HUNK: variants seen among roughly 807,000 people sequenced by gnomAD.
HUNK encodes the protein hormonally up-regulated Neu-associated kinase.
In HUNK, 21 loss-of-function variants were observed where a neutral mutation model predicts 61.0. The ratio of observed to expected loss-of-function variants is 0.34; its 90% confidence interval spans 0.24 to 0.50. HUNK has a LOEUF of 0.50. Ranked by LOEUF, HUNK falls within the 20% of genes least tolerant of loss-of-function variation. The probability of loss-of-function intolerance (pLI) is 0.98; values close to 1 mark genes in which losing one functional copy is unlikely to be tolerated. For missense variants in HUNK, 772 were observed against 945.7 expected (o/e 0.82, Z 2.41); for synonymous variants, 371 against 386.1 (o/e 0.96, Z 0.46).
At chr21:31,906,042 TG>T (rs2052503134) in intron 1 of HUNK, among the ~76,000 whole-genome samples, 1 of 152,176 alleles carries the variant, frequency 6.6e-6, no homozygotes, top group Non-Finnish European at 1.5e-5. Context: ...TTTGCACTGC[TG>T]CCCCTGCCAT....
At chr21:31,990,537 A>G (rs1368880829) in intron 9 of HUNK, among the ~76,000 whole-genome samples, 2 of 149,480 alleles carry the variant, frequency 1.3e-5, no homozygotes, top group Non-Finnish European at 3.0e-5. Flanking sequence ...TTATTTATTT[A>G]TTTATTTATT....
intron 6 of HUNK, among the ~76,000 whole-genome samples, chr21:31,971,081 A>ATTTAT (rs11423136): frequency 0.021 from 3,242 of 151,862 alleles, 56 homozygotes; most frequent in African/African-American, 0.04. Context: ...TTATTTATTT[A>ATTTAT]TTATTTATTT....
Position 31,974,418 on chromosome 21 carries a change from C to A in HUNK, c.1011-137C>A. On this transcript the variant is annotated intron_variant, in intron 6 of 10. Coordinates refer to ENST00000270112, the MANE Select transcript of HUNK (RefSeq NM_014586.2). ...ACTATTCCCTCCGCTTTTCTGAATA[C>A]GAGAACATTTTCAAAATAAAAACTC... is the stretch of plus-strand genomic sequence containing the variant. 3 of 774,752 alleles carry A rather than the reference C, an allele frequency of 3.9e-6. No individual in the cohort carries two copies. The Admixed American group carries it at 7.9e-5, about 20-fold the overall frequency. 48.0% of individuals were successfully genotyped at this position (774,752 alleles called of 1,614,324 possible).
chr21:31,995,793 A>G lies in HUNK; in HGVS notation c.1331A>G (p.Lys444Arg), dbSNP rs572334874. The G allele has an allele frequency of 6.2e-7, 1 of 1,614,150 alleles. No homozygotes were observed. Among genetic ancestry groups the G allele is most frequent in the East Asian group, 2.2e-5 (1 of 44,880 alleles). ...GATAAAAAGCCCAAAGAACAAGAAA[A>G]AAGAGGGGATTTTCTTCATCGACCA... ...VQDKKPKEQE[K>R]RGDFLHRPFS... Residue 444 changes from lysine (K) to arginine (R), a missense_variant, in exon 10 of 11, where the codon AAA becomes AGA. Transcript: ENST00000270112.
intron 4 of HUNK, among the ~76,000 whole-genome samples, chr21:31,953,233 G>T (rs2052863895): frequency 6.6e-6 from 1 of 151,786 alleles, no homozygotes; most frequent in Non-Finnish European, 1.5e-5. Flanking sequence ...TGTTCACATA[G>T]GTTTCCATTC....
intron 5 of HUNK, among the ~76,000 whole-genome samples, chr21:31,965,836 A>G (rs1186777622): frequency 3.9e-5 from 6 of 152,092 alleles, no homozygotes; most frequent in Admixed American, 3.9e-4. Flanking sequence ...TCCTGACCTC[A>G]GGTGATCCAC....
intron 2 of HUNK, among the ~76,000 whole-genome samples, chr21:31,925,596 C>G (rs934743360): frequency 3.3e-5 from 5 of 152,194 alleles, no homozygotes; most frequent in Non-Finnish European, 5.9e-5. Flanking sequence ...GAATTTTGAA[C>G]TTGCCCTTGA....
chr21:31,931,807 C>T (rs1023350059), intron 2 of HUNK, among the ~76,000 whole-genome samples: 3 of 152,162 alleles, frequency 2.0e-5, no homozygotes, highest in African/African-American at 7.2e-5. Context: ...TCCTGCCCCT[C>T]AGCCTAGACC....
At chr21:31,914,289 C>A (rs1295534557) in intron 1 of HUNK, among the ~76,000 whole-genome samples, 2 of 151,768 alleles carry the variant, frequency 1.3e-5, no homozygotes, top group African/African-American at 4.8e-5. Flanking sequence ...TTCCTGTAAT[C>A]TCAGCTACTC....
intron 1 of HUNK, among the ~76,000 whole-genome samples, chr21:31,883,214 T>C (rs2052321671): frequency 6.6e-6 from 1 of 152,148 alleles, no homozygotes; most frequent in South Asian, 2.1e-4. Context: ...ATCACATTGA[T>C]AACCCTTATA....
intron 2 of HUNK, 67 bp from the exon 3 acceptor site, chr21:31,940,098 G>A: frequency 1.5e-6 from 2 of 1,332,576 alleles, no homozygotes; most frequent in East Asian, 2.4e-5. Context: ...TTTCCCTTCA[G>A]AAGCAAAATG....
intron 4 of HUNK, among the ~76,000 whole-genome samples, chr21:31,948,989 G>C (rs748423931): frequency 6.6e-6 from 1 of 152,216 alleles, no homozygotes; most frequent in African/African-American, 2.4e-5. Context: ...GCTCCTGAGC[G>C]GGCTGGGTGC....
intron 4 of HUNK, among the ~76,000 whole-genome samples, chr21:31,950,585 AG>A (rs555967366): frequency 2.2e-3 from 331 of 152,290 alleles, no homozygotes; most frequent in African/African-American, 6.1e-3. Flanking sequence ...ACCTTTTAAG[AG>A]ATGAATTTCC....
chr21:31,911,741 G>T (rs1403652942), intron 1 of HUNK, among the ~76,000 whole-genome samples: 2 of 151,960 alleles, frequency 1.3e-5, no homozygotes, highest in Admixed American at 6.6e-5. Context: ...AGGAATTTTA[G>T]GGGGGCGTGT....
At chr21:31,982,031 G>T (rs529904982) in intron 7 of HUNK, among the ~76,000 whole-genome samples, 1 of 152,032 alleles carries the variant, frequency 6.6e-6, no homozygotes, top group Non-Finnish European at 1.5e-5. Context: ...TAATCCCAGC[G>T]TTCCTTAGCT....
chr21:31,927,221 A>G (rs1162396173), intron 2 of HUNK, among the ~76,000 whole-genome samples: 1 of 151,924 alleles, frequency 6.6e-6, no homozygotes, highest in Non-Finnish European at 1.5e-5. Context: ...TTGTATTTTT[A>G]GTAGAGATGG....
intron 6 of HUNK, among the ~76,000 whole-genome samples, chr21:31,971,649 C>T (rs934115632): frequency 1.3e-5 from 2 of 151,990 alleles, no homozygotes; most frequent in South Asian, 2.1e-4. Context: ...ATAAAGGTCT[C>T]GTATTTTACA....
In HUNK at chr21:31,999,472, T is replaced by C; in HGVS notation, c.*288T>C. 5.2e-6 allele frequency: 2 copies of C among 386,636 alleles called. No individual in the cohort carries two copies. Among genetic ancestry groups the C allele is most frequent in the Non-Finnish European group, 9.2e-6 (2 of 216,522 alleles). 24.0% of individuals were successfully genotyped at this position (386,636 alleles called of 1,614,324 possible). ...TTCCACTTCCCACTTCCCCCAGGCT[T>C]GGGGGGAAAACAGGGCATGAGCCTT... On this transcript the variant is annotated 3_prime_UTR_variant, in exon 11 of 11. Coordinates refer to ENST00000270112, the MANE Select transcript of HUNK (RefSeq NM_014586.2).
At chr21:31,936,313 G>A (rs1025912007) in intron 2 of HUNK, among the ~76,000 whole-genome samples, 21 of 152,204 alleles carry the variant, frequency 1.4e-4, no homozygotes, top group Non-Finnish European at 2.2e-4. Flanking sequence ...TTGTCCTAAA[G>A]TCTGGAAGAA....
Sources: gnomAD v4.1 joint callset for allele counts (sites outside exome capture counted in the v4.1 genomes callset) on GRCh38, gnomAD v4.1.1 for gene constraint, MANE v1.5 for transcripts, NCBI Gene and HGNC (gene_info 2026-07-23, HGNC 2026-07-21) for gene names.